ATRNL1: variants seen among roughly 807,000 people sequenced by gnomAD.
The protein encoded by ATRNL1 is attractin like 1.
Under a neutral mutation model 182.7 loss-of-function variants are expected in ATRNL1, and 95 were observed. The ratio of observed to expected loss-of-function variants is 0.52; its 90% confidence interval spans 0.44 to 0.62. The LOEUF (loss-of-function observed/expected upper bound fraction) is 0.62. Ranked by LOEUF, ATRNL1 falls within the 20% of genes least tolerant of loss-of-function variation. The probability of loss-of-function intolerance (pLI) is 0.00; values close to 1 mark genes in which losing one functional copy is unlikely to be tolerated. For synonymous variants in ATRNL1, 576 were observed against 568.3 expected (o/e 1.01, Z -0.19); for missense variants, 1,471 against 1,679.5 (o/e 0.88, Z 2.17).
At chr10:115,226,434 A>G (rs370071802) in intron 9 of ATRNL1, among the ~76,000 whole-genome samples, 1 of 152,042 alleles carries the variant, frequency 6.6e-6, no homozygotes, top group Non-Finnish European at 1.5e-5. Context: ...AAAAGTCAGT[A>G]AGAACACAAA....
intron 28 of ATRNL1, among the ~76,000 whole-genome samples, chr10:115,876,887 T>C (rs1471282957): frequency 6.6e-6 from 1 of 152,228 alleles, no homozygotes; most frequent in Non-Finnish European, 1.5e-5. Context: ...AGGAAACATT[T>C]TTTCTGTTTA....
At chr10:115,245,605 G>A (rs1330829598) in intron 10 of ATRNL1, among the ~76,000 whole-genome samples, 4 of 151,036 alleles carry the variant, frequency 2.6e-5, no homozygotes, top group Non-Finnish European at 5.9e-5. Context: ...ATATATAATA[G>A]ATATAGTTTG....
rs76965675 is a variant in ATRNL1 at position 115,671,070 on chromosome 10, G to A, written c.3796-56178G>A. Among the ~76,000 whole-genome samples, 466 of 152,214 alleles carry A rather than the reference G, an allele frequency of 3.1e-3. 4 individuals are homozygous for A. Among genetic ancestry groups the A allele is most frequent in the African/African-American group, 0.011 (444 of 41,552 alleles). ...AGAACATGCTGATGCACATGCTTAG[G>A]GAGAGGGACAATGATTTCTAGCCAA... On this transcript the variant is annotated intron_variant, in intron 26 of 28. Coordinates refer to ENST00000355044, the MANE Select transcript of ATRNL1 (RefSeq NM_207303.4).
chr10:115,892,461 A>C (rs1485150334), intron 28 of ATRNL1, among the ~76,000 whole-genome samples: 1 of 152,198 alleles, frequency 6.6e-6, no homozygotes, highest in Non-Finnish European at 1.5e-5. Flanking sequence ...TACTCTTAAA[A>C]ACTTTTATAT....
intron 26 of ATRNL1, among the ~76,000 whole-genome samples, chr10:115,565,352 TAAA>T (rs1184916904): frequency 2.4e-4 from 36 of 152,080 alleles, no homozygotes; most frequent in Admixed American, 2.1e-3. Flanking sequence ...TGTAAAATAA[TAAA>T]AAAAGGCTTC....
intron 26 of ATRNL1, among the ~76,000 whole-genome samples, chr10:115,555,336 G>C (rs185440863): frequency 6.6e-6 from 1 of 151,794 alleles, no homozygotes; most frequent in Non-Finnish European, 1.5e-5. Flanking sequence ...TGACTCAATG[G>C]TTAGATTTCT....
At chr10:115,157,192 A>G (rs1183727841) in intron 5 of ATRNL1, among the ~76,000 whole-genome samples, 1 of 152,118 alleles carries the variant, frequency 6.6e-6, no homozygotes, top group Non-Finnish European at 1.5e-5. Context: ...AAAATATTAC[A>G]TGTAGACCAT....
At chr10:115,119,370 A>G (rs1277084736) in intron 1 of ATRNL1, among the ~76,000 whole-genome samples, 2 of 152,008 alleles carry the variant, frequency 1.3e-5, no homozygotes, top group Non-Finnish European at 2.9e-5. Context: ...TTATGTGAAT[A>G]TGTAAAAACT....
chr10:115,480,463 T>A (rs1046624459), intron 24 of ATRNL1, among the ~76,000 whole-genome samples: 80 of 151,240 alleles, frequency 5.3e-4, no homozygotes, highest in African/African-American at 1.9e-3. Flanking sequence ...TTTTCTTTTT[T>A]AAAAAAGTTT....
chr10:115,295,406 G>A (rs1853130194), intron 15 of ATRNL1, among the ~76,000 whole-genome samples: 1 of 152,192 alleles, frequency 6.6e-6, no homozygotes, highest in Non-Finnish European at 1.5e-5. Flanking sequence ...GGGGTGGCCT[G>A]TAGAGGTGTT....
At chr10:115,941,416 G>A (rs1317993288) in intron 28 of ATRNL1, among the ~76,000 whole-genome samples, 4 of 152,144 alleles carry the variant, frequency 2.6e-5, no homozygotes, top group East Asian at 1.9e-4. Context: ...TTGGATTAGC[G>A]TAGAATTTCC....
intron 26 of ATRNL1, among the ~76,000 whole-genome samples, chr10:115,592,054 G>C (rs1038152125): frequency 6.6e-6 from 1 of 152,128 alleles, no homozygotes; most frequent in African/African-American, 2.4e-5. Context: ...ATTTTCCTAA[G>C]CTAATTAGCA....
chr10:115,531,894 C>T (rs1851609289), intron 25 of ATRNL1, among the ~76,000 whole-genome samples: 1 of 145,036 alleles, frequency 6.9e-6, no homozygotes, highest in Non-Finnish European at 1.6e-5. Flanking sequence ...GAATCCTTTC[C>T]CCATTGCTTG....
At chr10:115,263,606 A>G (rs1330737905) in intron 10 of ATRNL1, among the ~76,000 whole-genome samples, 2 of 151,820 alleles carry the variant, frequency 1.3e-5, no homozygotes, top group Non-Finnish European at 1.5e-5. Flanking sequence ...ATTTTAAGAT[A>G]TGCGATGAAA....
At chr10:115,518,886 T>C (rs1285290946) in intron 24 of ATRNL1, among the ~76,000 whole-genome samples, 1 of 151,840 alleles carries the variant, frequency 6.6e-6, no homozygotes. Context: ...TGTATATATA[T>C]ATGAAGCTTC....
intron 8 of ATRNL1, among the ~76,000 whole-genome samples, chr10:115,184,857 C>T (rs1390148701): frequency 1.3e-5 from 2 of 152,002 alleles, no homozygotes; most frequent in African/African-American, 2.4e-5. Flanking sequence ...TTTTTGAACA[C>T]AGTATTTGAC....
At chr10:115,473,501 C>G (rs1400151716) in intron 24 of ATRNL1, among the ~76,000 whole-genome samples, 1 of 151,014 alleles carries the variant, frequency 6.6e-6, no homozygotes, top group African/African-American at 2.4e-5. Context: ...ATTTTGTGTC[C>G]TTTTACCAAT....
chr10:115,502,910 A>G (rs1849917260), intron 24 of ATRNL1, among the ~76,000 whole-genome samples: 1 of 152,066 alleles, frequency 6.6e-6, no homozygotes. Context: ...AAAGGCCCTA[A>G]CAGTCTCACA....
At chr10:115,147,393 A>C (rs1187302977) in intron 5 of ATRNL1, among the ~76,000 whole-genome samples, 1 of 152,084 alleles carries the variant, frequency 6.6e-6, no homozygotes, top group Non-Finnish European at 1.5e-5. Flanking sequence ...ATAGTTTTCA[A>C]ATATTTTCTC....
Sources: gnomAD v4.1 joint callset for allele counts (sites outside exome capture counted in the v4.1 genomes callset) on GRCh38, gnomAD v4.1.1 for gene constraint, MANE v1.5 for transcripts, NCBI Gene and HGNC (gene_info 2026-07-23, HGNC 2026-07-21) for gene names.